Variants in ZNF215 observed in about 807,000 individuals in gnomAD.
ZNF215 encodes the protein BWSCR2-associated zinc finger protein 2.
In ZNF215, 24 loss-of-function variants were observed where a neutral mutation model predicts 27.2. The ratio of observed to expected loss-of-function variants is 0.88; its 90% CI spans 0.64 to 1.24. ZNF215 has a LOEUF of 1.24. Among genes scored for constraint, ZNF215 ranks in the 50% most tolerant of loss-of-function variants. The probability of loss-of-function intolerance (pLI) is 0.00; values close to 1 mark genes in which losing one functional copy is unlikely to be tolerated. For synonymous variants in ZNF215, 210 were observed against 204.0 expected (o/e 1.03, Z -0.25); for missense variants, 675 against 605.7 (o/e 1.11, Z -1.20).
downstream of ZNF215, among the ~76,000 whole-genome samples, chr11:6,985,506 C>A (rs1252798333): frequency 6.6e-6 from 1 of 152,148 alleles, no homozygotes; most frequent in South Asian, 2.1e-4. Flanking sequence ...GCCACGCTCA[C>A]CACTCCTATT....
intron 6 of ZNF215, among the ~76,000 whole-genome samples, chr11:6,952,243 A>AT (rs1444300534): frequency 6.6e-6 from 1 of 152,174 alleles, no homozygotes. Flanking sequence ...GTAGATGTCT[A>AT]TTAGGTCTGC....
intron 5 of ZNF215, among the ~76,000 whole-genome samples, chr11:6,969,596 A>G (rs1264060133): frequency 6.8e-6 from 1 of 148,074 alleles, no homozygotes; most frequent in Non-Finnish European, 1.5e-5. Context: ...TAAAAAAAAA[A>G]TGTAGTTAAA....
At chr11:6,993,764 G>A (rs961739112), downstream of ZNF215, among the ~76,000 whole-genome samples, 11 of 152,010 alleles carry the variant, frequency 7.2e-5, no homozygotes, top group Admixed American at 2.6e-4. Context: ...TTTCATATTT[G>A]TAAATTCACC....
At position 6,957,291 on chromosome 11, in the gene ZNF215, CT is replaced by C. The variant is rs1051896963; in HGVS notation, c.*761del. 1 of 631,584 alleles carries C rather than the reference CT, an allele frequency of 1.6e-6. No homozygotes were observed. The highest frequency in any genetic ancestry group is 2.0e-5 in the African/African-American group (1 of 50,308). The allele number at this position is 631,584 out of a possible 1,614,324, so 39.1% of individuals were successfully genotyped here. A position where few individuals can be genotyped will look rare whatever the true frequency, so the allele number is the denominator to read the frequency against. The stretch of plus-strand genomic sequence containing the variant: ...ACTGTGTGGAGTTCGCACACTCTCC[CT>C]ATGTCTCCGGGTGCTCCAGTTTCAA... On this transcript the variant is annotated 3_prime_UTR_variant, in exon 7 of 7. Transcript: ENST00000278319.
At chr11:6,971,694 GAC>G (rs1395348299) in intron 5 of ZNF215, among the ~76,000 whole-genome samples, 1 of 152,096 alleles carries the variant, frequency 6.6e-6, no homozygotes, top group African/African-American at 2.4e-5. Context: ...AGGAATTAGA[GAC>G]ATAGAAAATT....
At chr11:6,926,924 G>A (rs1256069805) in intron 1 of ZNF215, 1 of 146,486 alleles carries the variant, frequency 6.8e-6, no homozygotes, top group Non-Finnish European at 1.5e-5. Context: ...CGTGGGCTGC[G>A]GAAGTAAGAC....
chr11:6,950,004 G>T (rs1381891644), intron 6 of ZNF215, among the ~76,000 whole-genome samples: 9 of 151,718 alleles, frequency 5.9e-5, no homozygotes, highest in South Asian at 4.1e-4. Flanking sequence ...TTTCCCCATT[G>T]CTTGTTTTTG....
At chr11:6,989,798 C>T (rs897581653), downstream of ZNF215, among the ~76,000 whole-genome samples, 8 of 152,070 alleles carry the variant, frequency 5.3e-5, no homozygotes, top group Non-Finnish European at 8.8e-5. Flanking sequence ...TTTTATGTAA[C>T]AAGGTTGTGA....
At chr11:6,927,118 G>T (rs1324289545) in intron 1 of ZNF215, among the ~76,000 whole-genome samples, 1 of 146,926 alleles carries the variant, frequency 6.8e-6, no homozygotes, top group Non-Finnish European at 1.5e-5. Context: ...GGAATGGCTG[G>T]TATTGATGCC....
At position 6,957,654 on chromosome 11, in the gene ZNF215, G is replaced by A. The variant is rs1158031716; in HGVS notation, c.*1123G>A. On this transcript the variant is annotated 3_prime_UTR_variant, in exon 7 of 7. Coordinates refer to ENST00000278319, the MANE Select transcript of ZNF215 (RefSeq NM_013250.4). ...ACTTAACTCTTGTTTGTATCCATTA[G>A]TCTATGGTAAAATTGGTTTTGTTAT... is the stretch of plus-strand genomic sequence containing the variant. 1.4e-6 allele frequency: 1 copy of A among 692,924 alleles called. No individual in the cohort carries two copies. The highest frequency in any genetic ancestry group is 1.3e-4 in the East Asian group (1 of 7,500). 42.9% of individuals were successfully genotyped at this position (692,924 alleles called of 1,614,324 possible). A position where few individuals can be genotyped will look rare whatever the true frequency, so the allele number is the denominator to read the frequency against.
rs188807619 is a variant in ZNF215, at chr11:6,955,762, C to G, written c.785C>G (p.Pro262Arg). The part of the protein sequence containing the change: ...IMTRLTESGH[P>R]SSDAWKGENW... Reference sequence around the variant, plus strand: ...ACAAGGCTTACCGAAAGTGGACACCCTTCTTCAGATGCCTGGAAAGGTGAG... The same window carrying G: ...ACAAGGCTTACCGAAAGTGGACACCGTTCTTCAGATGCCTGGAAAGGTGAG... The change falls in exon 7 of 7, where the codon CCT becomes CGT. Residue 262 changes from proline to arginine, a missense_variant. Coordinates refer to ENST00000278319, the MANE Select transcript of ZNF215 (RefSeq NM_013250.4). 77 of 1,610,866 alleles carry G rather than the reference C, an allele frequency of 4.8e-5. No individual in the cohort carries two copies. The highest frequency in any genetic ancestry group is 2.2e-4 in the Admixed American group (13 of 59,354).
intron 6 of ZNF215, 123 bp from the exon 7 acceptor site, chr11:6,955,567 G>C: frequency 9.9e-7 from 1 of 1,010,124 alleles, no homozygotes; most frequent in Middle Eastern, 2.7e-4. Context: ...TTCTAACCTT[G>C]CCTCACATTT....
chr11:6,974,724 AT>A (rs1227560246), intron 5 of ZNF215, among the ~76,000 whole-genome samples: 1 of 152,152 alleles, frequency 6.6e-6, no homozygotes, highest in East Asian at 1.9e-4. Context: ...AATGCTTGTG[AT>A]TTTTGCACAT....
chr11:6,965,754 A>G (rs1329543437), intron 5 of ZNF215, among the ~76,000 whole-genome samples: 1 of 152,078 alleles, frequency 6.6e-6, no homozygotes, highest in Non-Finnish European at 1.5e-5. Flanking sequence ...TTAGCTTCCT[A>G]TGAGGGTGCT....
chr11:6,930,892 A>G (rs577104841), intron 2 of ZNF215, among the ~76,000 whole-genome samples: 13 of 152,352 alleles, frequency 8.5e-5, no homozygotes, highest in Non-Finnish European at 1.8e-4. Flanking sequence ...ATGTAGTCTC[A>G]TTTATATATT....
chr11:6,948,104 GCAGAATAAACTCTACTT>G (rs1447097099), intron 6 of ZNF215, among the ~76,000 whole-genome samples: 8 of 152,184 alleles, frequency 5.3e-5, no homozygotes, highest in African/African-American at 1.7e-4. Flanking sequence ...TCAAGGAGAA[GCAGAATAAACTCTACTT>G]CAGGATGGGG....
intron 3 of ZNF215, among the ~76,000 whole-genome samples, chr11:6,940,063 A>C (rs1285605244): frequency 6.6e-6 from 1 of 151,080 alleles, no homozygotes; most frequent in East Asian, 1.9e-4. Flanking sequence ...TCTCTAAAGA[A>C]AAAAAAAGAA....
At chr11:6,951,229 A>G (rs1043156271) in intron 6 of ZNF215, among the ~76,000 whole-genome samples, 11 of 152,144 alleles carry the variant, frequency 7.2e-5, no homozygotes, top group Non-Finnish European at 1.2e-4. Flanking sequence ...CTTTGGTATC[A>G]GGATGATGCT....
At chr11:6,951,214 C>T (rs1371101287) in intron 6 of ZNF215, among the ~76,000 whole-genome samples, 1 of 152,048 alleles carries the variant, frequency 6.6e-6, no homozygotes, top group African/African-American at 2.4e-5. Flanking sequence ...TGTGTCTCTG[C>T]CAGGCTTTGG....
Sources: gnomAD v4.1 joint callset for allele counts (sites outside exome capture counted in the v4.1 genomes callset) on GRCh38, gnomAD v4.1.1 for gene constraint, MANE v1.5 for transcripts, NCBI Gene and HGNC (gene_info 2026-07-23, HGNC 2026-07-21) for gene names.